Variants in TRPM3 observed in about 807,000 individuals in gnomAD.
The protein encoded by TRPM3 is transient receptor potential cation channel subfamily M member 3.
In TRPM3, 77 loss-of-function variants were observed where a neutral mutation model predicts 181.2. The observed-to-expected ratio is 0.42, with a 90% CI of 0.35 to 0.51. TRPM3 has a LOEUF of 0.51. Ranked by LOEUF, TRPM3 falls within the 20% of genes least tolerant of loss-of-function variation. The pLI is 0.01. For missense variants in TRPM3, 1,759 were observed against 2,196.7 expected (o/e 0.80, Z 3.98); for synonymous variants, 745 against 796.4 (o/e 0.94, Z 1.09).
Position 71,035,093 on chromosome 9 carries a change from C to T in TRPM3, c.177+86085G>A, listed in dbSNP as rs928999504. Reference sequence around the variant, plus strand: ...AATTCTTTCCTTTAGCAGGCCAACTCTTTTGTTGTAGTTAATCAGAATTAT... The same window carrying T: ...AATTCTTTCCTTTAGCAGGCCAACTTTTTTGTTGTAGTTAATCAGAATTAT... On this transcript the variant is annotated intron_variant, in intron 1 of 25. Transcript: ENST00000677713. Among the ~76,000 whole-genome samples, 3 of 152,126 alleles carry T rather than the reference C, an allele frequency of 2.0e-5. No individual in the cohort carries two copies. In the East Asian group the frequency reaches 5.8e-4, roughly 29 times the overall value.
intron 1 of TRPM3, among the ~76,000 whole-genome samples, chr9:70,867,369 T>C (rs548435924): frequency 7.2e-4 from 110 of 152,238 alleles, no homozygotes; most frequent in African/African-American, 2.6e-3. Flanking sequence ...TGGAAAGCAC[T>C]GGAAGTTTTA....
exon 1 of TRPM3, chr9:71,446,782 G>C (rs1367562538): frequency 1.9e-6 from 3 of 1,550,368 alleles, no homozygotes; most frequent in East Asian, 2.4e-5. Flanking sequence ...CGTTGTCCTC[G>C]CGGTCGGAGC....
At chr9:71,438,333 G>A (rs2094078932) in intron 1 of TRPM3, among the ~76,000 whole-genome samples, 1 of 152,140 alleles carries the variant, frequency 6.6e-6, no homozygotes, top group African/African-American at 2.4e-5. Context: ...TGGGTATTAA[G>A]AAGTTTTTTT....
At chr9:70,646,972 A>G (rs1200881462) in intron 9 of TRPM3, among the ~76,000 whole-genome samples, 1 of 152,034 alleles carries the variant, frequency 6.6e-6, no homozygotes, top group Non-Finnish European at 1.5e-5. Context: ...GTAACATACA[A>G]CCTCCCAAGA....
rs1294590043 is a variant in TRPM3 at position 70,616,003 on chromosome 9, T to C, written c.2431A>G (p.Met811Val). Residue 811 changes from methionine to valine, a missense_variant, in exon 18 of 26, where the codon ATG becomes GTG. By Grantham distance (21) the Met-to-Val change is conservative (BLOSUM62 1). This residue lies in a region of TRPM3 where 114 missense variants were observed against 134.8 expected (regional missense o/e 0.85). Transcript: ENST00000677713. Reference sequence around the variant, plus strand: ...AGGTGGATTTCCTGGGCCTGAGACATATAGGGCATGTCGTCTTTGTTCTTG... The same window carrying C: ...AGGTGGATTTCCTGGGCCTGAGACACATAGGGCATGTCGTCTTTGTTCTTG... ...EFKNKDDMPY[M>V]SQAQEIHLQE... 14 of 1,613,010 alleles carry C rather than the reference T, an allele frequency of 8.7e-6. No homozygotes were observed. The highest frequency in any genetic ancestry group is 1.6e-4 in the Middle Eastern group (1 of 6,082).
chr9:71,158,190 A>G (rs368791600), intron 1 of TRPM3, among the ~76,000 whole-genome samples: 31 of 152,294 alleles, frequency 2.0e-4, no homozygotes, highest in African/African-American at 6.5e-4. Context: ...CTGAAGCTTT[A>G]CTTAGTCCAA....
intron 19 of TRPM3, 145 bp downstream of exon 19, chr9:70,610,462 CAG>C (rs2061840016): frequency 5.3e-6 from 5 of 951,336 alleles, no homozygotes; most frequent in Non-Finnish European, 7.8e-6. Flanking sequence ...ACAAATCTTG[CAG>C]AGCTATTGAA....
chr9:70,847,488 A>T lies in TRPM3; in HGVS notation c.463-897T>A, dbSNP rs73467851. 5.3e-3 allele frequency among the ~76,000 whole-genome samples: 802 copies of T among 150,258 alleles called. 9 individuals are homozygous for T. Among genetic ancestry groups the T allele is most frequent in the African/African-American group, 0.018 (753 of 40,736 alleles). Reference sequence around the variant, plus strand: ...GAACCTCAGGAAGTTAGGGAGTACCAAAGCAGGATTTGACCCTGAGTGTCT... The same window carrying T: ...GAACCTCAGGAAGTTAGGGAGTACCTAAGCAGGATTTGACCCTGAGTGTCT... On this transcript the variant is annotated intron_variant, in intron 3 of 25. Transcript: ENST00000677713.
intron 1 of TRPM3, among the ~76,000 whole-genome samples, chr9:71,185,016 G>C (rs528569453): frequency 6.6e-6 from 1 of 152,078 alleles, no homozygotes; most frequent in East Asian, 1.9e-4. Context: ...GCCTAAGACT[G>C]GTCAGTCTTC....
At chr9:71,114,455 C>T (rs1445205165) in intron 1 of TRPM3, among the ~76,000 whole-genome samples, 1 of 152,114 alleles carries the variant, frequency 6.6e-6, no homozygotes, top group African/African-American at 2.4e-5. Flanking sequence ...CTATTTTTTT[C>T]ATATTAAATA....
At chr9:70,670,765 C>T (rs1563927181) in intron 9 of TRPM3, among the ~76,000 whole-genome samples, 1 of 152,054 alleles carries the variant, frequency 6.6e-6, no homozygotes, top group Non-Finnish European at 1.5e-5. Flanking sequence ...AAGTATTTAC[C>T]ATAAAGAAGG....
At chr9:71,222,277 A>C (rs941402327) in intron 1 of TRPM3, among the ~76,000 whole-genome samples, 8 of 152,250 alleles carry the variant, frequency 5.3e-5, no homozygotes, top group African/African-American at 1.7e-4. Context: ...TGAGTCCAAA[A>C]GTTAAAGAAA....
intron 1 of TRPM3, among the ~76,000 whole-genome samples, chr9:71,240,816 G>A (rs903360282): frequency 2.0e-5 from 3 of 152,088 alleles, no homozygotes; most frequent in Non-Finnish European, 4.4e-5. Context: ...ACCCATCCTA[G>A]GATTAGTCTG....
chr9:70,967,732 T>C (rs1483920555), intron 1 of TRPM3, among the ~76,000 whole-genome samples: 2 of 152,128 alleles, frequency 1.3e-5, no homozygotes, highest in Non-Finnish European at 2.9e-5. Context: ...CCATAATTCT[T>C]AGCATCATTA....
chr9:70,841,652 A>ATCCCAC (rs2094650739), intron 5 of TRPM3, among the ~76,000 whole-genome samples: 2 of 117,370 alleles, frequency 1.7e-5, no homozygotes, highest in South Asian at 2.5e-4. Context: ...ATATATATAT[A>ATCCCAC]TATATATATC....
intron 1 of TRPM3, among the ~76,000 whole-genome samples, chr9:71,220,115 CT>C (rs561063857): frequency 2.8e-3 from 432 of 152,190 alleles, no homozygotes; most frequent in Non-Finnish European, 4.9e-3. Flanking sequence ...AAAATGTTCC[CT>C]TAAAAATTAC....
intron 1 of TRPM3, among the ~76,000 whole-genome samples, chr9:71,096,648 T>C (rs1251251530): frequency 1.4e-5 from 2 of 147,932 alleles, no homozygotes; most frequent in Non-Finnish European, 3.0e-5. Flanking sequence ...AAATAAAATG[T>C]TGAAGGAGGT....
intron 1 of TRPM3, among the ~76,000 whole-genome samples, chr9:71,421,532 G>A (rs1381093769): frequency 6.6e-6 from 1 of 151,808 alleles, no homozygotes; most frequent in Non-Finnish European, 1.5e-5. Flanking sequence ...ATCATCAGAG[G>A]AATCCACACA....
At chr9:71,092,369 A>G (rs1463903502) in intron 1 of TRPM3, among the ~76,000 whole-genome samples, 3 of 152,186 alleles carry the variant, frequency 2.0e-5, no homozygotes, top group African/African-American at 7.2e-5. Context: ...ACCAATTTTC[A>G]TAAGTATGAG....
Sources: allele counts gnomAD v4.1 joint callset (sites outside exome capture counted in the v4.1 genomes callset), GRCh38; gene constraint gnomAD v4.1.1; regional missense constraint gnomAD v4.1.1; transcripts MANE v1.5; gene names NCBI Gene and HGNC (gene_info 2026-07-23, HGNC 2026-07-21).